Variants in TMEM74 observed in about 807,000 individuals in gnomAD.
TMEM74 encodes transmembrane protein 74.
A neutral mutation model predicts 18.1 loss-of-function variants in TMEM74; 13 were observed. The observed-to-expected ratio is 0.72, with a 90% confidence interval of 0.47 to 1.14. The LOEUF (loss-of-function observed/expected upper bound fraction) is 1.14, where lower values mean the gene tolerates loss of function less well. Ranked by LOEUF, TMEM74 falls within the 50% of genes most tolerant of loss-of-function variation. The pLI is 0.00. For synonymous variants in TMEM74, 159 were observed against 146.6 expected (o/e 1.08, Z -0.61); for missense variants, 372 against 375.9 (o/e 0.99, Z 0.09).
At chr8:108,650,475 C>A (rs1563740527) in intron 2 of TMEM74, among the ~76,000 whole-genome samples, 2 of 152,180 alleles carry the variant, frequency 1.3e-5, no homozygotes, top group South Asian at 4.1e-4. Context: ...GCCTATAAAA[C>A]TCCATACCAT....
intron 2 of TMEM74, among the ~76,000 whole-genome samples, chr8:108,619,522 G>A (rs1812418918): frequency 6.6e-6 from 1 of 152,194 alleles, no homozygotes; most frequent in Non-Finnish European, 1.5e-5. Flanking sequence ...CAAGCCAGGT[G>A]CTGGGAGACC....
intron 3 of TMEM74, among the ~76,000 whole-genome samples, chr8:108,608,376 T>C (rs2130530717): frequency 6.6e-6 from 1 of 152,002 alleles, no homozygotes; most frequent in African/African-American, 2.4e-5. Context: ...AACATTGGTA[T>C]TGACTCACTG....
At chr8:108,677,528 C>T (rs963204312) in intron 1 of TMEM74, among the ~76,000 whole-genome samples, 10 of 148,616 alleles carry the variant, frequency 6.7e-5, no homozygotes, top group African/African-American at 1.7e-4. Context: ...AGTTTCAAAA[C>T]GGCCTTAGTA....
At chr8:108,611,307 T>C (rs1812331599) in intron 2 of TMEM74, among the ~76,000 whole-genome samples, 1 of 152,120 alleles carries the variant, frequency 6.6e-6, no homozygotes. Context: ...GATAAAGACT[T>C]TATAGGAGAC....
chr8:108,712,577 A>G (rs1014404029), intron 1 of TMEM74, among the ~76,000 whole-genome samples: 1 of 152,140 alleles, frequency 6.6e-6, no homozygotes, highest in Non-Finnish European at 1.5e-5. Flanking sequence ...CTGCTCCCTG[A>G]GTAAAAGCCA....
At chr8:108,648,288 G>A (rs924096351) in intron 2 of TMEM74, among the ~76,000 whole-genome samples, 1 of 152,062 alleles carries the variant, frequency 6.6e-6, no homozygotes, top group Non-Finnish European at 1.5e-5. Flanking sequence ...TGAGCTAAAG[G>A]CCTGAGACCA....
chr8:108,736,895 T>C (rs1339110158), intron 1 of TMEM74, among the ~76,000 whole-genome samples: 3 of 152,156 alleles, frequency 2.0e-5, no homozygotes, highest in African/African-American at 7.2e-5. Context: ...CATAGATTTG[T>C]AGATGGCCTT....
intron 1 of TMEM74, among the ~76,000 whole-genome samples, chr8:108,666,136 T>C (rs1357765608): frequency 6.6e-6 from 1 of 152,178 alleles, no homozygotes; most frequent in Non-Finnish European, 1.5e-5. Context: ...TTGGACTGAA[T>C]GAATCCAAAC....
At chr8:108,680,092 G>A (rs967315401) in intron 1 of TMEM74, among the ~76,000 whole-genome samples, 4 of 152,158 alleles carry the variant, frequency 2.6e-5, no homozygotes, top group Admixed American at 1.3e-4. Flanking sequence ...GAGGTACAAG[G>A]AGGAGCTGAT....
intron 1 of TMEM74, among the ~76,000 whole-genome samples, chr8:108,707,247 A>G (rs1319944650): frequency 1.3e-5 from 2 of 151,912 alleles, no homozygotes; most frequent in Non-Finnish European, 2.9e-5. Flanking sequence ...TGATGAGTTA[A>G]TGGGTGCAGC....
chr8:108,627,032 T>C (rs888211088), intron 2 of TMEM74, among the ~76,000 whole-genome samples: 6 of 152,102 alleles, frequency 3.9e-5, no homozygotes. Context: ...TTCTCTTTTG[T>C]TAATACTATC....
chr8:108,609,928 C>T (rs1478898150), intron 2 of TMEM74, among the ~76,000 whole-genome samples: 1 of 152,156 alleles, frequency 6.6e-6, no homozygotes, highest in African/African-American at 2.4e-5. Flanking sequence ...CTGACATTGG[C>T]TAGGGTATAC....
intron 1 of TMEM74, among the ~76,000 whole-genome samples, chr8:108,678,637 A>G (rs1289426030): frequency 6.7e-6 from 1 of 150,064 alleles, no homozygotes; most frequent in Non-Finnish European, 1.5e-5. Flanking sequence ...TCCCACTGCC[A>G]TTATTATTGT....
intron 1 of TMEM74, among the ~76,000 whole-genome samples, chr8:108,724,923 A>G (rs982587501): frequency 3.3e-5 from 5 of 152,172 alleles, no homozygotes; most frequent in Non-Finnish European, 7.4e-5. Flanking sequence ...TGGCTTCCCA[A>G]TCCTCTTAGA....
intron 1 of TMEM74, among the ~76,000 whole-genome samples, chr8:108,677,123 G>A (rs1349644429): frequency 2.6e-5 from 4 of 152,162 alleles, no homozygotes; most frequent in Non-Finnish European, 5.9e-5. Flanking sequence ...CCTAGGCTAG[G>A]AGATAGGAAT....
chr8:108,611,108 T>C (rs897678796), intron 2 of TMEM74, among the ~76,000 whole-genome samples: 1 of 152,196 alleles, frequency 6.6e-6, no homozygotes, highest in Admixed American at 6.5e-5. Flanking sequence ...GCAGTCAATA[T>C]TTGCCTCAAT....
intron 2 of TMEM74, among the ~76,000 whole-genome samples, chr8:108,649,561 T>C (rs1313518982): frequency 1.3e-5 from 2 of 152,188 alleles, no homozygotes; most frequent in African/African-American, 4.8e-5. Context: ...GTTAAGTATC[T>C]TATTAGGTCG....
chr8:108,770,660 A>G (rs72675052), intron 1 of TMEM74, among the ~76,000 whole-genome samples: 4,251 of 152,312 alleles, frequency 0.028, 90 homozygotes, highest in Non-Finnish European at 0.044. Flanking sequence ...AAGAAAGGTA[A>G]GAGAACAGCA....
chr8:108,736,166 A>G (rs1217204142), intron 1 of TMEM74, among the ~76,000 whole-genome samples: 2 of 152,068 alleles, frequency 1.3e-5, no homozygotes, highest in Non-Finnish European at 2.9e-5. Flanking sequence ...CTAGCTCACC[A>G]TTATCTTCAC....
Sources: gnomAD v4.1 joint callset for allele counts (sites outside exome capture counted in the v4.1 genomes callset) on GRCh38, gnomAD v4.1.1 for gene constraint, MANE v1.5 for transcripts, NCBI Gene and HGNC (gene_info 2026-07-23, HGNC 2026-07-21) for gene names.